CHODL: variants seen among roughly 807,000 people sequenced by gnomAD.
CHODL encodes the protein chondrolectin.
Under a neutral mutation model 34.5 loss-of-function variants are expected in CHODL, and 29 were observed. The observed-to-expected ratio is 0.84, with a 90% confidence interval of 0.63 to 1.15. The LOEUF is 1.15. Among genes scored for constraint, CHODL ranks in the 50% most tolerant of loss-of-function variants. The probability of loss-of-function intolerance (pLI) is 0.00; values close to 1 mark genes in which losing one functional copy is unlikely to be tolerated. For synonymous variants in CHODL, 125 were observed against 116.1 expected (o/e 1.08, Z -0.49); for missense variants, 332 against 332.5 (o/e 1.00, Z 0.01).
At position 18,070,590 on chromosome 21, in the gene CHODL, ATCT is replaced by A. The variant is rs140654966; in HGVS notation, c.-45+42624_-45+42626del. The stretch of plus-strand genomic sequence containing the variant: ...TTTAATTACACTGGGCAATAAACAA[ATCT>A]TCTTATCTTCTCTAATCTCCAAGCT... On this transcript the variant is annotated intron_variant, in intron 2 of 6. Coordinates refer to the CHODL transcript ENST00000400127. Among the ~76,000 whole-genome samples the A allele has an allele frequency of 2.6e-4, 40 of 152,308 alleles. No homozygotes were observed. In the East Asian group the frequency reaches 6.4e-3, roughly 24 times the overall value.
chr21:17,931,177 T>C (rs1241859419), intron 1 of CHODL, among the ~76,000 whole-genome samples: 2 of 152,176 alleles, frequency 1.3e-5, no homozygotes, highest in African/African-American at 4.8e-5. Flanking sequence ...GAAGTATTCA[T>C]GGGTGAGCTT....
At chr21:17,996,566 C>A (rs2063851177) in intron 1 of CHODL, among the ~76,000 whole-genome samples, 1 of 151,986 alleles carries the variant, frequency 6.6e-6, no homozygotes, top group African/African-American at 2.4e-5. Context: ...AGTGGGGATG[C>A]CAAAAAGGGG....
intron 1 of CHODL, among the ~76,000 whole-genome samples, chr21:17,978,752 A>G (rs2063690915): frequency 6.6e-6 from 1 of 151,830 alleles, no homozygotes; most frequent in East Asian, 1.9e-4. Context: ...AAAAACAAAC[A>G]AACAGAAAAA....
intron 1 of CHODL, among the ~76,000 whole-genome samples, chr21:17,982,793 C>G (rs147473141): frequency 6.7e-6 from 1 of 149,018 alleles, no homozygotes; most frequent in Non-Finnish European, 1.5e-5. Context: ...CTGCAACCTC[C>G]GCCTCCCAGG....
At chr21:18,200,420 A>G (rs925229608) in intron 2 of CHODL, among the ~76,000 whole-genome samples, 21 of 152,300 alleles carry the variant, frequency 1.4e-4, no homozygotes, top group Non-Finnish European at 5.9e-5. Context: ...TTTCTTTCAC[A>G]AGGAAAGTAC....
intron 2 of CHODL, among the ~76,000 whole-genome samples, chr21:18,154,073 C>T (rs772142690): frequency 6.6e-6 from 1 of 152,118 alleles, no homozygotes; most frequent in Non-Finnish European, 1.5e-5. Context: ...TATAATTTCC[C>T]TTTATACTAG....
chr21:18,134,267 T>C lies in CHODL; in HGVS notation c.-45+106296T>C, dbSNP rs549197171. 84 of 504,712 alleles carry C rather than the reference T, an allele frequency of 1.7e-4. 1 individual carries two copies. The highest frequency in any genetic ancestry group is 1.2e-3 in the South Asian group (82 of 69,116). The allele number at this position is 504,712 out of a possible 1,614,324, so 31.3% of individuals were successfully genotyped here. ...TGCCTCTGCCTGATCTTGCCATTTT[T>C]ATACTTGGATGATCTCTTTTGCCAC... On this transcript the variant is annotated intron_variant, in intron 2 of 6. Coordinates refer to the CHODL transcript ENST00000400127.
intron 2 of CHODL, among the ~76,000 whole-genome samples, chr21:18,122,014 A>G (rs1461224178): frequency 6.6e-6 from 1 of 152,160 alleles, no homozygotes; most frequent in Non-Finnish European, 1.5e-5. Flanking sequence ...AAATAAATGA[A>G]TGGTGTGTTA....
intron 1 of CHODL, among the ~76,000 whole-genome samples, chr21:17,925,439 T>C (rs2063215114): frequency 6.6e-6 from 1 of 152,206 alleles, no homozygotes. Context: ...GCCACACATT[T>C]GAAGTGTCAG....
intron 1 of CHODL, among the ~76,000 whole-genome samples, chr21:17,959,732 A>G (rs1394478248): frequency 6.6e-6 from 1 of 152,182 alleles, no homozygotes; most frequent in African/African-American, 2.4e-5. Flanking sequence ...TTTGTAATTT[A>G]GAGAAAGTAG....
intron 1 of CHODL, among the ~76,000 whole-genome samples, chr21:18,254,855 G>A (rs549314226): frequency 6.6e-5 from 10 of 152,022 alleles, no homozygotes; most frequent in African/African-American, 1.2e-4. Context: ...AGAGGTATGC[G>A]AAATTTAATT....
intron 2 of CHODL, among the ~76,000 whole-genome samples, chr21:18,041,653 C>G (rs1213017596): frequency 6.6e-6 from 1 of 151,784 alleles, no homozygotes; most frequent in Non-Finnish European, 1.5e-5. Context: ...TAACTGAGAA[C>G]TATAAGTCTT....
chr21:18,190,242 A>C (rs1282962105), intron 2 of CHODL, among the ~76,000 whole-genome samples: 3 of 152,184 alleles, frequency 2.0e-5, no homozygotes, highest in African/African-American at 7.2e-5. Context: ...CTAGGTGTAC[A>C]CACAATCTTA....
At chr21:18,177,406 A>G (rs185077417) in intron 2 of CHODL, among the ~76,000 whole-genome samples, 170 of 152,180 alleles carry the variant, frequency 1.1e-3, no homozygotes, top group African/African-American at 3.9e-3. Flanking sequence ...CTTTATATAG[A>G]TATTTATTGT....
intron 2 of CHODL, among the ~76,000 whole-genome samples, chr21:18,159,131 G>T (rs78143231): frequency 0.026 from 3,982 of 152,210 alleles, 87 homozygotes; most frequent in Non-Finnish European, 0.043. Context: ...AGACATTTTT[G>T]TCACCAGCTT....
intron 5 of CHODL, among the ~76,000 whole-genome samples, chr21:18,263,478 G>A (rs183183132): frequency 1.3e-5 from 2 of 152,208 alleles, no homozygotes; most frequent in East Asian, 1.9e-4. Context: ...ATTTCTGGGG[G>A]AATATTATGA....
chr21:18,044,116 G>A (rs927227896), intron 2 of CHODL, among the ~76,000 whole-genome samples: 2 of 151,994 alleles, frequency 1.3e-5, no homozygotes, highest in Admixed American at 6.6e-5. Context: ...TCAGTAAACT[G>A]AAGGTAGAAA....
chr21:18,258,925 A>G (rs2074348785), intron 3 of CHODL, among the ~76,000 whole-genome samples: 1 of 152,100 alleles, frequency 6.6e-6, no homozygotes, highest in South Asian at 2.1e-4. Flanking sequence ...GTTTAAAAAT[A>G]CCAGTTGACT....
In CHODL at chr21:18,217,724, C is replaced by A. The variant is rs181513792; in HGVS notation, c.-44-38785C>A. 1.6e-3 allele frequency among the ~76,000 whole-genome samples: 238 copies of A among 152,280 alleles called. 2 individuals are homozygous for A. The highest frequency in any genetic ancestry group is 3.0e-3 in the Non-Finnish European group (203 of 68,030). ...CAAAAGTCCAAGTCCAAAGTCTCAT[C>A]TGAGACAAGTCAAGTCCCTTTCACC... On this transcript the variant is annotated intron_variant, in intron 2 of 6. Transcript: ENST00000400127.
Sources: allele counts gnomAD v4.1 joint callset (sites outside exome capture counted in the v4.1 genomes callset), GRCh38; gene constraint gnomAD v4.1.1; transcripts MANE v1.5; gene names NCBI Gene and HGNC (gene_info 2026-07-23, HGNC 2026-07-21).